SRCAP: variants seen among roughly 807,000 people sequenced by gnomAD.
The protein encoded by SRCAP is chromatin remodeling protein SRCAP.
A neutral mutation model predicts 263.1 loss-of-function variants in SRCAP; 46 were observed. The ratio of observed to expected loss-of-function variants is 0.17; its 90% CI spans 0.14 to 0.22. The LOEUF is 0.22. Ranked by LOEUF, SRCAP falls within the 10% of genes least tolerant of loss-of-function variation. The pLI, the probability that SRCAP is intolerant of heterozygous loss-of-function variation, is 1.00. For missense variants in SRCAP, 3,695 were observed against 4,181.9 expected, an observed-to-expected ratio of 0.88 and a Z score of 3.21; for synonymous variants, 1,813 against 1,662.1, an observed-to-expected ratio of 1.09 and a Z score of -2.21.
At chr16:30,704,724 C>CG (rs1433679020) in intron 4 of SRCAP, among the ~76,000 whole-genome samples, 7 of 151,970 alleles carry the variant, frequency 4.6e-5, no homozygotes, top group Non-Finnish European at 7.4e-5. Context: ...CTGTAGCAGT[C>CG]GCAGCCACCC....
chr16:30,732,058 T>TG (rs770311380), intron 27 of SRCAP, among the ~76,000 whole-genome samples: 11 of 151,964 alleles, frequency 7.2e-5, no homozygotes, highest in African/African-American at 2.4e-5. Flanking sequence ...GGTGGGAGGA[T>TG]GGCTTGAGCC....
chr16:30,708,773 C>G (rs1231130557), intron 6 of SRCAP, among the ~76,000 whole-genome samples: 2 of 152,214 alleles, frequency 1.3e-5, no homozygotes, highest in African/African-American at 4.8e-5. Context: ...AAGCGATCCT[C>G]TCACTTTGGC....
intron 18 of SRCAP, among the ~76,000 whole-genome samples, chr16:30,717,080 G>GTTC (rs2052958154): frequency 6.6e-6 from 1 of 152,084 alleles, no homozygotes; most frequent in Admixed American, 6.5e-5. Flanking sequence ...GGGCACAAGT[G>GTTC]TTCTAATTTC....
At position 30,711,673 on chromosome 16, in the gene SRCAP, G is replaced by C. The variant is rs916864511; in HGVS notation, c.1421G>C (p.Ser474Thr). 6.2e-7 allele frequency: 1 copy of C among 1,614,134 alleles called. No homozygotes were observed. Among genetic ancestry groups the C allele is most frequent in the African/African-American group, 1.3e-5 (1 of 75,030 alleles). The change falls in exon 11 of 34, where the codon AGC becomes ACC. Residue 474 changes from serine (S) to threonine (T), a missense_variant. Ser to Thr is a moderately conservative substitution (Grantham distance 58). Transcript: ENST00000262518. ...DEDEDEVDAN[S>T]SDCEPEGPVE... ...GATGAAGATGAGGTTGATGCTAATA[G>C]CTCTGACTGTGAACCAGAGGGGCCC...
rs890523517 is a variant in SRCAP at position 30,739,536 on chromosome 16, G to C, written c.9496G>C (p.Glu3166Gln). The change falls in exon 34 of 34, where the codon GAG becomes CAG. Residue 3166 changes from glutamate (E) to glutamine (Q), a missense_variant. By Grantham distance (29) the Glu-to-Gln change is conservative. Coordinates refer to ENST00000262518, the MANE Select transcript of SRCAP (RefSeq NM_006662.3). ...ACAGCCCCCAAGTCCCCTGGGGCCT[G>C]AGGGTTCAGTAGAGGAGTCTGAGGC... ...RLQPPSPLGP[E>Q]GSVEESEAEA... is the part of the protein sequence containing the mutation. The C allele has an allele frequency of 6.2e-7, 1 of 1,611,512 alleles. No homozygotes were observed. Among genetic ancestry groups the C allele is most frequent in the Non-Finnish European group, 8.5e-7 (1 of 1,178,914 alleles).
rs780379308 is a variant in SRCAP, at chr16:30,723,018, C to T, written c.3948C>T (p.Ala1316=). The T allele has an allele frequency of 1.7e-5, 27 of 1,613,906 alleles. No individual in the cohort carries two copies. The highest frequency in any genetic ancestry group is 2.7e-5 in the African/African-American group (2 of 74,904). ...TGVVKIVVRQ[A]PRDGLTPVPP... ...TGGTGAAGATTGTAGTGAGACAAGC[C>T]CCTCGGGATGGACTGACTCCTGTTC... Residue 1316 remains alanine, a synonymous_variant, in exon 24 of 34, where the codon GCC becomes GCT. Transcript: ENST00000262518.
rs1487893983 is a variant in SRCAP, at chr16:30,724,945, C to T, written c.5521C>T (p.Leu1841=). Residue 1841 remains leucine (L), a synonymous_variant, in exon 25 of 34, where the codon CTG becomes TTG. Coordinates refer to ENST00000262518, the MANE Select transcript of SRCAP (RefSeq NM_006662.3). Reference sequence around the variant, plus strand: ...CTTGCCTGTCACCATGGTATCCCGGCTGCCTGTTTCCAAGGATGAGCCTGA... The same window carrying T: ...CTTGCCTGTCACCATGGTATCCCGGTTGCCTGTTTCCAAGGATGAGCCTGA... The part of the protein sequence containing the change: ...APLPVTMVSR[L]PVSKDEPDTL... The T allele has an allele frequency of 2.5e-6, 4 of 1,614,106 alleles. No homozygotes were observed. The highest frequency in any genetic ancestry group is 3.4e-6 in the Non-Finnish European group (4 of 1,180,056).
Position 30,704,085 on chromosome 16 carries a change from G to T in SRCAP, c.76G>T (p.Gly26Cys). Residue 26 changes from glycine (G) to cysteine (C), a missense_variant, in exon 4 of 34, where the codon GGC becomes TGC. Physicochemically the swap from Gly to Cys is radical, Grantham distance 159 (BLOSUM62 -3). Around this residue, in one of 12 missense-constraint regions of SRCAP, gnomAD observed 122 missense variants for 116.9 expected, o/e 1.04. Coordinates refer to ENST00000262518, the MANE Select transcript of SRCAP (RefSeq NM_006662.3). ...QTQMVSDGMT[G>C]SNPVSPASSS... ...CTAGATGGTGTCGGACGGCATGACA[G>T]GCAGCAATCCTGTGTCCCCTGCCTC... 1 of 1,613,526 alleles carries T rather than the reference G, an allele frequency of 6.2e-7. No individual in the cohort carries two copies.
Position 30,723,817 on chromosome 16 carries a change from G to A in SRCAP, c.4393G>A (p.Val1465Ile), listed in dbSNP as rs1330697816. 1 of 1,614,018 alleles carries A rather than the reference G, an allele frequency of 6.2e-7. No individual in the cohort carries two copies. The highest frequency in any genetic ancestry group is 8.5e-7 in the Non-Finnish European group (1 of 1,180,016). ...LTIPISAPLT[V>I]SASGPALLTS... ...CATCCCCATCTCAGCCCCCTTGACTGTTTCTGCTTCGGGCCCAGCTCTGTT... is the reference window on the plus strand; with the variant it reads ...CATCCCCATCTCAGCCCCCTTGACTATTTCTGCTTCGGGCCCAGCTCTGTT... The change falls in exon 25 of 34, where the codon GTT (valine) becomes ATT (isoleucine). Residue 1465 changes from valine (V) to isoleucine (I), a missense_variant. Around this residue, in one of 12 missense-constraint regions of SRCAP, gnomAD observed 1,347 missense variants for 1,304.4 expected, o/e 1.03. Coordinates refer to ENST00000262518, the MANE Select transcript of SRCAP (RefSeq NM_006662.3).
chr16:30,729,669 G>A, intron 27 of SRCAP, 97 bp downstream of exon 27: 2 of 1,437,746 alleles, frequency 1.4e-6, no homozygotes, highest in East Asian at 2.3e-5. Context: ...GTTCTCTTGC[G>A]ATTTCTGTAA....
Position 30,700,682 on chromosome 16 carries a change from G to A in SRCAP, c.-143G>A. On this transcript the variant is annotated 5_prime_UTR_variant, in exon 3 of 34. Coordinates refer to ENST00000262518, the MANE Select transcript of SRCAP (RefSeq NM_006662.3). ...CCTGGTGGGCCCCGGGCCCTGGAAG[G>A]CGGGTCCCGGTGGCCGGTGGCCCAG... 3 of 713,394 alleles carry A rather than the reference G, an allele frequency of 4.2e-6. No individual in the cohort carries two copies. The highest frequency in any genetic ancestry group is 1.8e-5 in the African/African-American group (1 of 55,888). 44.2% of individuals were successfully genotyped at this position (713,394 alleles called of 1,614,324 possible). A position where few individuals can be genotyped will look rare whatever the true frequency, so the allele number is the denominator to read the frequency against.
intron 19 of SRCAP, 75 bp downstream of exon 19, chr16:30,720,406 G>A (rs540292740): frequency 5.3e-6 from 8 of 1,508,786 alleles, no homozygotes; most frequent in South Asian, 4.9e-5. Flanking sequence ...CCTGGGGTGG[G>A]AAGAAAAGAG....
chr16:30,739,816 T>G lies in SRCAP; in HGVS notation c.*83T>G. 1 of 1,422,866 alleles carries G rather than the reference T, an allele frequency of 7.0e-7. No homozygotes were observed. Among genetic ancestry groups the G allele is most frequent in the Non-Finnish European group, 9.2e-7 (1 of 1,085,388 alleles). 88.1% of individuals were successfully genotyped at this position (1,422,866 alleles called of 1,614,324 possible). ...TGACTCTGTTAACCACTACTTGAAG[T>G]CTTGAGGGGGAAAGCCTCCAGGGAG... is the stretch of plus-strand genomic sequence containing the variant. On this transcript the variant is annotated 3_prime_UTR_variant, in exon 34 of 34. Transcript: ENST00000262518.
rs2053012093 is a variant in SRCAP, at chr16:30,721,551, A to T, written c.3541+75A>T. 7 of 1,537,532 alleles carry T rather than the reference A, an allele frequency of 4.6e-6. No individual in the cohort carries two copies. The South Asian group carries it at 8.5e-5, about 19-fold the overall frequency. Reference sequence around the variant, plus strand: ...CAGGACCATGAGAGCATCAAATTTTAGGCAGCTGGGTCAGGCATGATGGCT... The same window carrying T: ...CAGGACCATGAGAGCATCAAATTTTTGGCAGCTGGGTCAGGCATGATGGCT... On this transcript the variant is annotated intron_variant, in intron 21 of 33. Transcript: ENST00000262518.
intron 33 of SRCAP, 73 bp downstream of exon 33, chr16:30,736,697 C>CA: frequency 6.6e-7 from 1 of 1,505,832 alleles, no homozygotes; most frequent in Non-Finnish European, 9.1e-7. Flanking sequence ...TTTTTTGAGA[C>CA]AGTCTCGCTC....
intron 2 of SRCAP, among the ~76,000 whole-genome samples, chr16:30,700,242 C>T (rs1001786902): frequency 6.6e-6 from 1 of 152,236 alleles, no homozygotes; most frequent in Non-Finnish European, 1.5e-5. Flanking sequence ...TGAAGCCCTC[C>T]TATCACTTTT....
chr16:30,737,938 T>C lies in SRCAP; in HGVS notation c.7898T>C (p.Leu2633Pro). 1 of 1,614,168 alleles carries C rather than the reference T, an allele frequency of 6.2e-7. No homozygotes were observed. Among genetic ancestry groups the C allele is most frequent in the Non-Finnish European group, 8.5e-7 (1 of 1,180,038 alleles). The stretch of plus-strand genomic sequence containing the variant: ...CCAGATTCTGCTGAGGGGACCACCC[T>C]TACAGTGCTGCCTGAAGGTGAGGAG... ...EAPDSAEGTT[L>P]TVLPEGEELP... Residue 2633 changes from leucine to proline, a missense_variant, in exon 34 of 34, where the codon CTT becomes CCT. By Grantham distance (98) the Leu-to-Pro change is moderately conservative. This residue lies in a region of SRCAP where 1,207 missense variants were observed against 1,142.9 expected (regional missense o/e 1.06). Coordinates refer to ENST00000262518, the MANE Select transcript of SRCAP (RefSeq NM_006662.3).
chr16:30,740,056 T>A lies in SRCAP; in HGVS notation c.*323T>A. 8.4e-6 allele frequency: 2 copies of A among 238,512 alleles called. No homozygotes were observed. The highest frequency in any genetic ancestry group is 1.6e-5 in the Non-Finnish European group (2 of 124,852). The allele number at this position is 238,512 out of a possible 1,614,324, so 14.8% of individuals were successfully genotyped here. A position where few individuals can be genotyped will look rare whatever the true frequency, so the allele number is the denominator to read the frequency against. On this transcript the variant is annotated 3_prime_UTR_variant, in exon 34 of 34. Transcript: ENST00000262518. ...CCTTAGGGGAAGGGGGAGGGGCTTC[T>A]CTACAATGAGGTTTTTTTCTTTTTT...
Position 30,722,303 on chromosome 16 carries a change from C to G in SRCAP, c.3706+17C>G, listed in dbSNP as rs1040980884. On this transcript the variant is annotated intron_variant, in intron 22 of 33. Coordinates refer to ENST00000262518, the MANE Select transcript of SRCAP (RefSeq NM_006662.3). Reference sequence around the variant, plus strand: ...CGCTGCAAAGTAGGTAAAACCCACCCCCTGTCCTGCCTTTTTCCTCCTCTT... The same window carrying G: ...CGCTGCAAAGTAGGTAAAACCCACCGCCTGTCCTGCCTTTTTCCTCCTCTT... 1.9e-6 allele frequency: 3 copies of G among 1,607,878 alleles called. No homozygotes were observed. Among genetic ancestry groups the G allele is most frequent in the South Asian group, 1.1e-5 (1 of 90,744 alleles).
Sources: gnomAD v4.1 joint callset for allele counts (sites outside exome capture counted in the v4.1 genomes callset) on GRCh38, gnomAD v4.1.1 for gene constraint, gnomAD v4.1.1 regional missense constraint, MANE v1.5 for transcripts, NCBI Gene and HGNC (gene_info 2026-07-23, HGNC 2026-07-21) for gene names.